Variants in TRPM8 observed in about 807,000 individuals in gnomAD.
The protein encoded by TRPM8 is TRPM8 cationic channel.
TRPM8 carries 110 observed loss-of-function variants against 133.7 expected under a neutral mutation model. The observed-to-expected ratio is 0.82, with a 90% confidence interval of 0.70 to 0.96. TRPM8 has a LOEUF of 0.96. TRPM8 is among the 40% of genes least tolerant of loss of function. The pLI, the probability that TRPM8 is intolerant of heterozygous loss-of-function variation, is 0.00. For missense variants in TRPM8, 1,291 were observed against 1,379.5 expected (o/e 0.94, Z 1.02); for synonymous variants, 535 against 532.3 (o/e 1.01, Z -0.07).
At chr2:233,930,189 G>C (rs1169416622) in intron 2 of TRPM8, among the ~76,000 whole-genome samples, 10 of 152,110 alleles carry the variant, frequency 6.6e-5, no homozygotes. Flanking sequence ...GTTTATAAAG[G>C]CTTTTGGTTT....
Position 233,942,609 on chromosome 2 carries a change from G to A in TRPM8, c.560G>A (p.Gly187Asp), listed in dbSNP as rs772048258. 1 of 1,614,074 alleles carries A rather than the reference G, an allele frequency of 6.2e-7. No individual in the cohort carries two copies. The highest frequency in any genetic ancestry group is 8.5e-7 in the Non-Finnish European group (1 of 1,180,046). The change falls in exon 6 of 26, where the codon GGC becomes GAC. Residue 187 changes from glycine (G) to aspartate (D), a missense_variant. By Grantham distance (94) the Gly-to-Asp change is moderately conservative. Around this residue, in one of 2 missense-constraint regions of TRPM8, gnomAD observed 963 missense variants for 968.9 expected, o/e 0.99. Coordinates refer to ENST00000324695, the MANE Select transcript of TRPM8 (RefSeq NM_024080.5). ...ATTCTCACGGGAGGCACCCATTATG[G>A]CCTGATGAAGTACATCGGGGAGGTG... ...AWILTGGTHYGLMKYIGEVVR... is the reference protein window; with the variant it reads ...AWILTGGTHYDLMKYIGEVVR...
chr2:233,996,050 GAAATA>G (rs1246085943), intron 21 of TRPM8, among the ~76,000 whole-genome samples: 3 of 148,920 alleles, frequency 2.0e-5, no homozygotes, highest in Non-Finnish European at 4.5e-5. Context: ...GAAAGATCTT[GAAATA>G]AAATAATTTT....
rs200022286 is a variant in TRPM8, at chr2:233,954,056, G to A, written c.1243+37G>A. The A allele has an allele frequency of 4.8e-5, 70 of 1,457,804 alleles. No homozygotes were observed. In the African/African-American group the frequency reaches 8.9e-4, roughly 19 times the overall value. 90.3% of individuals were successfully genotyped at this position (1,457,804 alleles called of 1,614,324 possible). ...TAGCTCCTTTTGAAGTGTCAGCTTT[G>A]TGTTGCCTTCTGTGGCTTTTCATGA... On this transcript the variant is annotated intron_variant, in intron 10 of 25. Coordinates refer to ENST00000324695, the MANE Select transcript of TRPM8 (RefSeq NM_024080.5).
At chr2:233,933,633 C>G (rs1691724191) in intron 3 of TRPM8, 1 of 152,262 alleles carries the variant, frequency 6.6e-6, no homozygotes, top group South Asian at 2.1e-4. Flanking sequence ...TGCCAGGCAG[C>G]TCTCTTGGTC....
intron 25 of TRPM8, among the ~76,000 whole-genome samples, chr2:234,016,451 A>G (rs1224992051): frequency 6.6e-6 from 1 of 152,214 alleles, no homozygotes; most frequent in Non-Finnish European, 1.5e-5. Flanking sequence ...ATGCTCTGCC[A>G]GTGTCTCCTT....
intron 19 of TRPM8, 53 bp downstream of exon 19, chr2:233,981,968 C>A (rs1429263755): frequency 4.6e-6 from 7 of 1,532,872 alleles, no homozygotes; most frequent in South Asian, 1.3e-5. Context: ...GCCCAGAGTT[C>A]TTTTAATGGT....
chr2:233,978,847 G>A (rs912492827), intron 17 of TRPM8, among the ~76,000 whole-genome samples: 4 of 152,166 alleles, frequency 2.6e-5, no homozygotes, highest in African/African-American at 9.7e-5. Context: ...TGATTTCATA[G>A]TGCCCTCACC....
intron 21 of TRPM8, among the ~76,000 whole-genome samples, chr2:233,993,958 G>A (rs1385760843): frequency 6.6e-6 from 1 of 152,254 alleles, no homozygotes; most frequent in Middle Eastern, 3.4e-3. Context: ...TATAGTCAAA[G>A]ATTTCTATTT....
chr2:234,002,473 AC>A (rs1692594056), intron 22 of TRPM8, among the ~76,000 whole-genome samples: 1 of 151,994 alleles, frequency 6.6e-6, no homozygotes, highest in African/African-American at 2.4e-5. Context: ...ACATCATGAC[AC>A]CTCTTTGATG....
chr2:233,960,054 G>A (rs568247360), intron 11 of TRPM8, among the ~76,000 whole-genome samples: 1 of 151,738 alleles, frequency 6.6e-6, no homozygotes, highest in South Asian at 2.1e-4. Flanking sequence ...AAATGCTGGT[G>A]ATCTTTCTTA....
chr2:233,961,424 G>C (rs924897280), intron 12 of TRPM8, among the ~76,000 whole-genome samples: 1 of 151,990 alleles, frequency 6.6e-6, no homozygotes, highest in Non-Finnish European at 1.5e-5. Flanking sequence ...TTCTGCCTCA[G>C]TCTCCTGAGT....
chr2:233,939,700 A>G (rs1312607868), intron 5 of TRPM8, among the ~76,000 whole-genome samples: 3 of 152,258 alleles, frequency 2.0e-5, no homozygotes, highest in Non-Finnish European at 4.4e-5. Flanking sequence ...TGTTGCAAGA[A>G]TAATGCAATG....
chr2:233,966,331 A>G (rs1208202324), intron 14 of TRPM8, among the ~76,000 whole-genome samples: 5 of 152,170 alleles, frequency 3.3e-5, no homozygotes, highest in Non-Finnish European at 7.4e-5. Context: ...ATGGAAGCCC[A>G]TCAAAGAGAG....
intron 3 of TRPM8, among the ~76,000 whole-genome samples, chr2:233,936,271 A>C (rs1230232005): frequency 1.3e-5 from 2 of 152,166 alleles, no homozygotes; most frequent in African/African-American, 4.8e-5. Flanking sequence ...GCTGACTCAG[A>C]GTGGATTTTC....
chr2:233,981,986 AGGAT>A, intron 19 of TRPM8, 71 bp downstream of exon 19: 1 of 1,476,504 alleles, frequency 6.8e-7, no homozygotes, highest in Non-Finnish European at 9.0e-7. Flanking sequence ...GGTCGATAGG[AGGAT>A]TTTGTCCTTA....
At chr2:233,950,476 A>G (rs974918099) in intron 9 of TRPM8, among the ~76,000 whole-genome samples, 2 of 152,250 alleles carry the variant, frequency 1.3e-5, no homozygotes, top group African/African-American at 4.8e-5. Context: ...ACAAAAAGAG[A>G]TAAACATATC....
At chr2:233,932,196 G>A (rs1369693424) in intron 3 of TRPM8, among the ~76,000 whole-genome samples, 1 of 152,180 alleles carries the variant, frequency 6.6e-6, no homozygotes, top group Non-Finnish European at 1.5e-5. Context: ...CCAGATCCAG[G>A]GCTTCAACAA....
At chr2:233,920,826 A>G (rs542455525) in intron 1 of TRPM8, among the ~76,000 whole-genome samples, 1 of 151,906 alleles carries the variant, frequency 6.6e-6, no homozygotes, top group South Asian at 2.1e-4. Flanking sequence ...TGGCATTGGC[A>G]CAATGCAAAG....
chr2:234,011,754 T>C (rs1470313832), intron 24 of TRPM8, among the ~76,000 whole-genome samples: 1 of 151,782 alleles, frequency 6.6e-6, no homozygotes, highest in Non-Finnish European at 1.5e-5. Context: ...CCGTCTCTAC[T>C]AAAAACAGAA....
Sources: gnomAD v4.1 joint callset for allele counts (sites outside exome capture counted in the v4.1 genomes callset) on GRCh38, gnomAD v4.1.1 for gene constraint, gnomAD v4.1.1 regional missense constraint, MANE v1.5 for transcripts, NCBI Gene and HGNC (gene_info 2026-07-23, HGNC 2026-07-21) for gene names.